The following EYS variants were observed in gnomAD, a reference collection of about 807,000 sequenced individuals.
EYS encodes the protein protein eyes shut homolog.
EYS carries 250 observed loss-of-function variants against 282.1 expected under a neutral mutation model. That is an observed-to-expected ratio of 0.89 (90% CI 0.80 to 0.98). The LOEUF (loss-of-function observed/expected upper bound fraction) is 0.98, where lower values mean the gene tolerates loss of function less well. Ranked by LOEUF, EYS falls within the 50% of genes least tolerant of loss-of-function variation. EYS has a pLI of 0.00. For synonymous variants in EYS, 1,355 were observed against 1,282.9 expected (o/e 1.06, Z -1.20); for missense variants, 4,016 against 3,709.0 (o/e 1.08, Z -2.15).
At chr6:64,632,843 T>C (rs544057101) in intron 22 of EYS, among the ~76,000 whole-genome samples, 183 of 152,240 alleles carry the variant, frequency 1.2e-3, no homozygotes, top group African/African-American at 4.3e-3. Flanking sequence ...GTATTTTTAT[T>C]ACTATTCAAT....
At chr6:65,323,032 C>T (rs1769520251) in intron 11 of EYS, among the ~76,000 whole-genome samples, 1 of 151,234 alleles carries the variant, frequency 6.6e-6, no homozygotes, top group Admixed American at 6.6e-5. Flanking sequence ...TACTTATTTT[C>T]TTTACTTGTC....
intron 35 of EYS, among the ~76,000 whole-genome samples, chr6:63,977,233 G>A (rs915287246): frequency 1.3e-5 from 2 of 151,808 alleles, no homozygotes; most frequent in African/African-American, 4.8e-5. Flanking sequence ...TACAATGTGT[G>A]ATTATCAAAT....
chr6:64,050,777 T>C (rs1267188057), intron 33 of EYS, among the ~76,000 whole-genome samples: 1 of 152,184 alleles, frequency 6.6e-6, no homozygotes, highest in Non-Finnish European at 1.5e-5. Context: ...TTGCTTAATG[T>C]GTTAAATCTC....
chr6:65,005,265 G>T (rs1345653560), intron 13 of EYS, among the ~76,000 whole-genome samples: 2 of 147,858 alleles, frequency 1.4e-5, no homozygotes, highest in Admixed American at 1.3e-4. Flanking sequence ...ACGGCTAAGT[G>T]CCTGCGTTCA....
chr6:64,763,772 G>T (rs1713916324), intron 22 of EYS, among the ~76,000 whole-genome samples: 1 of 152,066 alleles, frequency 6.6e-6, no homozygotes, highest in Admixed American at 6.5e-5. Context: ...TTACTTCCAA[G>T]ATACAGTGGG....
At chr6:63,944,659 T>G (rs943405653) in intron 35 of EYS, among the ~76,000 whole-genome samples, 3 of 152,152 alleles carry the variant, frequency 2.0e-5, no homozygotes, top group African/African-American at 7.2e-5. Context: ...CCAGGAGTGG[T>G]GGCTCATGCC....
intron 35 of EYS, among the ~76,000 whole-genome samples, chr6:63,973,059 G>C (rs1766660110): frequency 6.6e-6 from 1 of 151,800 alleles, no homozygotes. Context: ...ATAATCCTTT[G>C]GGTATATACC....
At chr6:65,603,753 CT>C (rs35863502) in intron 2 of EYS, among the ~76,000 whole-genome samples, 8,432 of 151,746 alleles carry the variant, frequency 0.056, 484 homozygotes, top group East Asian at 0.16. Flanking sequence ...GTTTCTATTC[CT>C]TTTTTTCCCT....
chr6:63,946,025 A>C (rs1441181973), intron 35 of EYS, among the ~76,000 whole-genome samples: 1 of 152,100 alleles, frequency 6.6e-6, no homozygotes, highest in Admixed American at 6.5e-5. Context: ...GATTACTGCC[A>C]CTAAACGCTA....
At chr6:64,120,275 G>T (rs1773535033) in intron 31 of EYS, among the ~76,000 whole-genome samples, 1 of 145,084 alleles carries the variant, frequency 6.9e-6, no homozygotes, top group Non-Finnish European at 1.5e-5. Flanking sequence ...AGAATGGCGT[G>T]AACCCAGGAG....
chr6:63,983,078 TA>T (rs963654227), intron 35 of EYS, among the ~76,000 whole-genome samples: 15 of 151,810 alleles, frequency 9.9e-5, no homozygotes, highest in Non-Finnish European at 2.1e-4. Flanking sequence ...ACTTATTGAG[TA>T]AAGCCTTGAG....
chr6:64,833,298 CT>C (rs1454470930), intron 19 of EYS, among the ~76,000 whole-genome samples: 1 of 151,762 alleles, frequency 6.6e-6, no homozygotes, highest in African/African-American at 2.4e-5. Flanking sequence ...TTTAGGTAAC[CT>C]GTGTGTAGCT....
chr6:64,178,499 T>A (rs1764698739), intron 31 of EYS, among the ~76,000 whole-genome samples: 1 of 152,048 alleles, frequency 6.6e-6, no homozygotes, highest in African/African-American at 2.4e-5. Flanking sequence ...TTTACATATA[T>A]CATGGCTAAA....
At chr6:64,372,745 T>C (rs534237417) in intron 29 of EYS, among the ~76,000 whole-genome samples, 18 of 152,332 alleles carry the variant, frequency 1.2e-4, no homozygotes, top group East Asian at 3.9e-4. Flanking sequence ...TCATTCTTTA[T>C]TGTTTTTCCT....
intron 19 of EYS, among the ~76,000 whole-genome samples, chr6:64,881,862 CTTACTTAAA>C (rs935000038): frequency 6.6e-6 from 1 of 151,690 alleles, no homozygotes; most frequent in East Asian, 1.9e-4. Context: ...GATTTAAGGG[CTTACTTAAA>C]TAAACATTGT....
intron 22 of EYS, among the ~76,000 whole-genome samples, chr6:64,626,975 A>G (rs1369273502): frequency 1.3e-5 from 2 of 152,318 alleles, no homozygotes; most frequent in East Asian, 1.9e-4. Context: ...AGATATGGAA[A>G]GAGTCAATAG....
chr6:63,971,978 A>G (rs545815405), intron 35 of EYS, among the ~76,000 whole-genome samples: 2 of 152,334 alleles, frequency 1.3e-5, no homozygotes, highest in South Asian at 2.1e-4. Flanking sequence ...ACAGTCTTCC[A>G]CTATAGAAGT....
chr6:63,913,584 A>G (rs1045700849), intron 35 of EYS, among the ~76,000 whole-genome samples: 12 of 152,234 alleles, frequency 7.9e-5, no homozygotes, highest in Admixed American at 7.8e-4. Flanking sequence ...TATAAATTGT[A>G]TCATTAAAAA....
intron 41 of EYS, chr6:63,744,119 GCTTCT>G (rs1247116754): frequency 2.6e-5 from 4 of 152,064 alleles, no homozygotes; most frequent in African/African-American, 7.2e-5. Context: ...TATTTTAGTG[GCTTCT>G]CTTTTCTTTT....
Sources: allele counts gnomAD v4.1 joint callset (sites outside exome capture counted in the v4.1 genomes callset), GRCh38; gene constraint gnomAD v4.1.1; transcripts MANE v1.5; gene names NCBI Gene and HGNC (gene_info 2026-07-23, HGNC 2026-07-21).